The following KCNJ3 variants were observed in gnomAD, a reference collection of about 807,000 sequenced individuals.
KCNJ3 encodes potassium inwardly rectifying channel subfamily J member 3.
KCNJ3 carries 4 observed loss-of-function variants against 39.2 expected under a neutral mutation model. That is an observed-to-expected ratio of 0.10 (90% CI 0.05 to 0.23). KCNJ3 has a LOEUF of 0.23. KCNJ3 is among the 10% of genes least tolerant of loss of function. The pLI, the probability that KCNJ3 is intolerant of heterozygous loss-of-function variation, is 1.00. For missense variants in KCNJ3, 276 were observed against 634.9 expected, an observed-to-expected ratio of 0.43 and a Z score of 6.08; for synonymous variants, 230 against 237.4, an observed-to-expected ratio of 0.97 and a Z score of 0.29.
intron 2 of KCNJ3, among the ~76,000 whole-genome samples, chr2:154,711,876 T>C (rs559784422): frequency 6.6e-6 from 1 of 152,156 alleles, no homozygotes; most frequent in African/African-American, 2.4e-5. Flanking sequence ...TTTACCATTT[T>C]CCCCCTCCTG....
Position 154,854,755 on chromosome 2 carries a change from T to C in KCNJ3, c.948T>C (p.Tyr316=), listed in dbSNP as rs1464708228. ...TGMTCQARTS[Y]TEDEVLWGHR... is the part of the protein sequence containing the mutation. ...TGACTTGTCAAGCTCGAACATCATA[T>C]ACTGAAGATGAAGTTCTTTGGGGTC... Residue 316 remains tyrosine, a synonymous_variant, in exon 3 of 3, where the codon TAT becomes TAC. Transcript: ENST00000295101. The C allele has an allele frequency of 2.5e-6, 4 of 1,613,228 alleles. No homozygotes were observed. The Admixed American group carries it at 6.7e-5, about 27-fold the overall frequency.
At position 154,709,152 on chromosome 2, in the gene KCNJ3, A is replaced by G. The variant is rs1685061038; in HGVS notation, c.703-451A>G. On this transcript the variant is annotated intron_variant, in intron 1 of 2. Coordinates refer to ENST00000295101, the MANE Select transcript of KCNJ3 (RefSeq NM_002239.4). ...TGTGTTTTGCTTTTTAGTAATCAGTAAATCTCTTTCAAAATGATGGTCAAT... is the reference window on the plus strand; with the variant it reads ...TGTGTTTTGCTTTTTAGTAATCAGTGAATCTCTTTCAAAATGATGGTCAAT... Among the ~76,000 whole-genome samples the G allele has an allele frequency of 1.3e-5, 2 of 152,228 alleles. 1 individual carries two copies. The highest frequency in any genetic ancestry group is 4.1e-4 in the South Asian group (2 of 4,836).
At chr2:154,752,472 T>C (rs1685863421) in intron 2 of KCNJ3, among the ~76,000 whole-genome samples, 1 of 152,042 alleles carries the variant, frequency 6.6e-6, no homozygotes, top group Admixed American at 6.6e-5. Context: ...GAGAGATATA[T>C]GTTTTGGTTA....
chr2:154,804,990 C>A (rs964528000), intron 2 of KCNJ3, among the ~76,000 whole-genome samples: 2 of 151,892 alleles, frequency 1.3e-5, no homozygotes, highest in Non-Finnish European at 2.9e-5. Flanking sequence ...AAATTTATTT[C>A]CATTATCAGA....
chr2:154,828,990 C>T (rs765213400), intron 2 of KCNJ3, among the ~76,000 whole-genome samples: 62 of 152,074 alleles, frequency 4.1e-4, no homozygotes, highest in Non-Finnish European at 8.1e-4. Flanking sequence ...TTAATAAACA[C>T]TTAATAATGA....
intron 2 of KCNJ3, among the ~76,000 whole-genome samples, chr2:154,820,998 C>T (rs1438680287): frequency 6.6e-6 from 1 of 152,076 alleles, no homozygotes; most frequent in Non-Finnish European, 1.5e-5. Flanking sequence ...TGTATCACGT[C>T]TATGTTTTTA....
chr2:154,771,977 T>C (rs1253935835), intron 2 of KCNJ3, among the ~76,000 whole-genome samples: 3 of 152,206 alleles, frequency 2.0e-5, no homozygotes, highest in African/African-American at 7.2e-5. Flanking sequence ...TTATTGCTTA[T>C]GTTTGTAAAT....
rs533167395 is a variant in KCNJ3, at chr2:154,840,387, T to G, written c.920-14340T>G. On this transcript the variant is annotated intron_variant, in intron 2 of 2. Transcript: ENST00000295101. ...GTCAGGTAGCATGATGCCTCCAGCT[T>G]TGTTCTTTTGGCTTAGGATTGACTT... Among the ~76,000 whole-genome samples, 5 of 152,318 alleles carry G rather than the reference T, an allele frequency of 3.3e-5. No homozygotes were observed. In the East Asian group the frequency reaches 9.7e-4, roughly 29 times the overall value.
At chr2:154,742,578 A>T (rs1685671208) in intron 2 of KCNJ3, among the ~76,000 whole-genome samples, 1 of 151,810 alleles carries the variant, frequency 6.6e-6, no homozygotes, top group South Asian at 2.1e-4. Context: ...AATTGATCTG[A>T]GGTGGTATGT....
At chr2:154,753,798 C>T (rs374817313) in intron 2 of KCNJ3, among the ~76,000 whole-genome samples, 5 of 152,098 alleles carry the variant, frequency 3.3e-5, no homozygotes, top group Non-Finnish European at 7.4e-5. Context: ...TTGTTTAATA[C>T]ATAGATTTGT....
intron 2 of KCNJ3, among the ~76,000 whole-genome samples, chr2:154,849,780 AC>A (rs1687723060): frequency 6.6e-6 from 1 of 152,108 alleles, no homozygotes; most frequent in East Asian, 1.9e-4. Flanking sequence ...TCACTTTAAA[AC>A]CTTCCACAGA....
chr2:154,838,972 G>A (rs1309623344), intron 2 of KCNJ3, among the ~76,000 whole-genome samples: 1 of 151,990 alleles, frequency 6.6e-6, no homozygotes, highest in African/African-American at 2.4e-5. Flanking sequence ...TATACTTTAA[G>A]TTCTAGAGTA....
chr2:154,855,709 G>A lies in KCNJ3; in HGVS notation c.*396G>A, dbSNP rs1687825623. 6.4e-6 allele frequency: 1 copy of A among 156,712 alleles called. No individual in the cohort carries two copies. The highest frequency in any genetic ancestry group is 2.4e-5 in the African/African-American group (1 of 41,184). 9.7% of individuals were successfully genotyped at this position (156,712 alleles called of 1,614,324 possible). On this transcript the variant is annotated 3_prime_UTR_variant, in exon 3 of 3. Coordinates refer to ENST00000295101, the MANE Select transcript of KCNJ3 (RefSeq NM_002239.4). Reference sequence around the variant, plus strand: ...CCAAACATGAGTGAATAGCTTTCAGGGCGATAAAACTAAATATATGTCTGT... The same window carrying A: ...CCAAACATGAGTGAATAGCTTTCAGAGCGATAAAACTAAATATATGTCTGT...
Position 154,854,997 on chromosome 2 carries a change from C to T in KCNJ3, c.1190C>T (p.Thr397Ile), listed in dbSNP as rs1487774593. 1.2e-6 allele frequency: 2 copies of T among 1,613,824 alleles called. No homozygotes were observed. The highest frequency in any genetic ancestry group is 1.7e-6 in the Non-Finnish European group (2 of 1,179,918). ...ECLDGLDDITTKLPSKLQKIT... is the reference protein window; with the variant it reads ...ECLDGLDDITIKLPSKLQKIT... Reference sequence around the variant, plus strand: ...TTAGATGGACTAGATGATATTACTACAAAACTACCATCTAAGCTGCAGAAA... The same window carrying T: ...TTAGATGGACTAGATGATATTACTATAAAACTACCATCTAAGCTGCAGAAA... Residue 397 changes from threonine (T) to isoleucine (I), a missense_variant, in exon 3 of 3, where the codon ACA becomes ATA. Around this residue, in one of 4 missense-constraint regions of KCNJ3, gnomAD observed 126 missense variants for 179.8 expected, o/e 0.70. Transcript: ENST00000295101.
chr2:154,759,147 G>A (rs1333366100), intron 2 of KCNJ3, among the ~76,000 whole-genome samples: 2 of 152,190 alleles, frequency 1.3e-5, no homozygotes, highest in African/African-American at 2.4e-5. Flanking sequence ...CCAACACAGA[G>A]CAAGTCTCAT....
intron 2 of KCNJ3, among the ~76,000 whole-genome samples, chr2:154,840,700 T>G (rs900605697): frequency 6.6e-6 from 1 of 151,388 alleles, no homozygotes; most frequent in Non-Finnish European, 1.5e-5. Context: ...GTAGCAATTG[T>G]GAATGGGAGT....
At chr2:154,804,888 T>G (rs1686883528) in intron 2 of KCNJ3, among the ~76,000 whole-genome samples, 1 of 152,160 alleles carries the variant, frequency 6.6e-6, no homozygotes, top group African/African-American at 2.4e-5. Context: ...TTATCAGTTT[T>G]TTATTATTAC....
intron 2 of KCNJ3, among the ~76,000 whole-genome samples, chr2:154,828,565 T>C (rs1687308506): frequency 6.6e-6 from 1 of 152,164 alleles, no homozygotes; most frequent in South Asian, 2.1e-4. Context: ...GTTTGAGAGA[T>C]GTCCATATGA....
At chr2:154,802,222 A>G (rs752341362) in intron 2 of KCNJ3, among the ~76,000 whole-genome samples, 6 of 151,150 alleles carry the variant, frequency 4.0e-5, no homozygotes, top group Non-Finnish European at 8.8e-5. Flanking sequence ...GTTTTCTCTT[A>G]TGCGCTACCT....
Sources: allele counts gnomAD v4.1 joint callset (sites outside exome capture counted in the v4.1 genomes callset), GRCh38; gene constraint gnomAD v4.1.1; regional missense constraint gnomAD v4.1.1; transcripts MANE v1.5; gene names NCBI Gene and HGNC (gene_info 2026-07-23, HGNC 2026-07-21).